Variants in PRRG4 observed in about 807,000 individuals in gnomAD.
PRRG4 encodes transmembrane gamma-carboxyglutamic acid protein 4.
Under a neutral mutation model 20.0 loss-of-function variants are expected in PRRG4, and 12 were observed. The observed-to-expected ratio is 0.60, with a 90% CI of 0.38 to 0.97. The LOEUF (loss-of-function observed/expected upper bound fraction) is 0.97, where lower values mean the gene tolerates loss of function less well. Ranked by LOEUF, PRRG4 falls within the 50% of genes least tolerant of loss-of-function variation. The pLI, the probability that PRRG4 is intolerant of heterozygous loss-of-function variation, is 0.00. For synonymous variants in PRRG4, 94 were observed against 96.4 expected, an observed-to-expected ratio of 0.98 and a Z score of 0.15; for missense variants, 199 against 265.1, an observed-to-expected ratio of 0.75 and a Z score of 1.73.
In PRRG4 at chr11:32,855,806, C is replaced by A. The variant is rs1851223922; in HGVS notation, c.*2279C>A. 6.6e-6 allele frequency: 1 copy of A among 152,200 alleles called. No individual in the cohort carries two copies. The highest frequency in any genetic ancestry group is 1.5e-5 in the Non-Finnish European group (1 of 68,032). 9.4% of individuals were successfully genotyped at this position (152,200 alleles called of 1,614,324 possible). ...GCACTTTTGCTCATGTGACTTTGCA[C>A]TTTGCACTTATTTTAATCCTCTTTA... On this transcript the variant is annotated 3_prime_UTR_variant, in exon 6 of 6. Transcript: ENST00000257836.
chr11:32,839,700 T>G (rs1310888189), intron 4 of PRRG4, among the ~76,000 whole-genome samples: 1 of 145,388 alleles, frequency 6.9e-6, no homozygotes, highest in African/African-American at 2.5e-5. Flanking sequence ...TATTATATTT[T>G]GAATATTATT....
chr11:32,836,592 C>A, intron 2 of PRRG4, 66 bp from the exon 3 acceptor site: 1 of 967,924 alleles, frequency 1.0e-6, no homozygotes, highest in South Asian at 2.2e-5. Context: ...CTTTTTTCCA[C>A]AATTAAAACA....
chr11:32,831,594 T>C, intron 2 of PRRG4, among the ~76,000 whole-genome samples: 1 of 152,284 alleles, frequency 6.6e-6, no homozygotes, highest in East Asian at 1.9e-4. Context: ...TGGAAGAGGA[T>C]CCTTTTTAGT....
At chr11:32,834,992 T>C (rs1851008004) in intron 2 of PRRG4, among the ~76,000 whole-genome samples, 1 of 152,130 alleles carries the variant, frequency 6.6e-6, no homozygotes, top group Non-Finnish European at 1.5e-5. Context: ...TTTTGTATTT[T>C]TTGTAGAGAC....
At chr11:32,841,449 A>C (rs1401138680) in intron 5 of PRRG4, among the ~76,000 whole-genome samples, 1 of 152,216 alleles carries the variant, frequency 6.6e-6, no homozygotes, top group Non-Finnish European at 1.5e-5. Flanking sequence ...ATGACATGAC[A>C]ATTAATGCAA....
chr11:32,849,729 G>A (rs7931061), intron 5 of PRRG4, among the ~76,000 whole-genome samples: 136,100 of 152,252 alleles, frequency 0.89, 61,103 homozygotes, highest in East Asian at 0.99. Flanking sequence ...CAAAGCCCCT[G>A]AAGGATGCCC....
chr11:32,839,494 T>C (rs1851054991), intron 4 of PRRG4, among the ~76,000 whole-genome samples: 1 of 151,992 alleles, frequency 6.6e-6, no homozygotes, highest in Non-Finnish European at 1.5e-5. Context: ...ATTATCTCAG[T>C]GGTTAATACC....
At chr11:32,853,109 T>C (rs970865306) in intron 5 of PRRG4, among the ~76,000 whole-genome samples, 187 bp from the exon 6 acceptor site, 1 of 151,988 alleles carries the variant, frequency 6.6e-6, no homozygotes, top group Non-Finnish European at 1.5e-5. Context: ...TTCAAACCCA[T>C]GTCTGACTCA....
rs1014017281 is a variant in PRRG4, at chr11:32,854,845, C to T, written c.*1318C>T. The T allele has an allele frequency of 1.3e-5, 2 of 152,090 alleles. No homozygotes were observed. Among genetic ancestry groups the T allele is most frequent in the African/African-American group, 4.8e-5 (2 of 41,426 alleles). 9.4% of individuals were successfully genotyped at this position (152,090 alleles called of 1,614,324 possible). Reference sequence around the variant, plus strand: ...ACTATTTGCTATGAAGTTAGTTCTTCAGAAGATACAAGTTTGCAATGAAAA... The same window carrying T: ...ACTATTTGCTATGAAGTTAGTTCTTTAGAAGATACAAGTTTGCAATGAAAA... On this transcript the variant is annotated 3_prime_UTR_variant, in exon 6 of 6. Coordinates refer to ENST00000257836, the MANE Select transcript of PRRG4 (RefSeq NM_024081.6).
Position 32,836,762 on chromosome 11 carries a change from A to G in PRRG4, c.208A>G (p.Asn70Asp). ...FTPGNLEREC[N>D]EELCNYEEAR... The stretch of plus-strand genomic sequence containing the variant: ...TCCCGGCAACCTAGAAAGAGAGTGC[A>G]ATGAAGAACTTTGCAATTATGAGGA... The change falls in exon 3 of 6, where the codon AAT becomes GAT. Residue 70 changes from asparagine to aspartate, a missense_variant. Asn to Asp is a conservative substitution (Grantham distance 23). Coordinates refer to ENST00000257836, the MANE Select transcript of PRRG4 (RefSeq NM_024081.6). 1 of 1,613,582 alleles carries G rather than the reference A, an allele frequency of 6.2e-7. No homozygotes were observed. Among genetic ancestry groups the G allele is most frequent in the Non-Finnish European group, 8.5e-7 (1 of 1,179,620 alleles).
chr11:32,845,493 G>A (rs192553442), intron 5 of PRRG4, among the ~76,000 whole-genome samples: 193 of 152,192 alleles, frequency 1.3e-3, no homozygotes, highest in African/African-American at 4.3e-3. Flanking sequence ...TCAGCCGGGC[G>A]TGATGGCGGG....
intron 5 of PRRG4, among the ~76,000 whole-genome samples, chr11:32,849,176 A>G (rs900995544): frequency 2.0e-4 from 30 of 152,018 alleles, no homozygotes; most frequent in Admixed American, 1.3e-3. Flanking sequence ...CAGCCTGGGC[A>G]AGATGGTGAA....
rs2133453254 is a variant in PRRG4 at position 32,853,449 on chromosome 11, T to G, written c.603T>G (p.Val201=). 1 of 1,614,106 alleles carries G rather than the reference T, an allele frequency of 6.2e-7. No individual in the cohort carries two copies. The highest frequency in any genetic ancestry group is 1.3e-5 in the African/African-American group (1 of 75,028). ...QAVALTRKHS[V]SPPPPYPGHT... is the part of the protein sequence containing the mutation. Reference sequence around the variant, plus strand: ...TGGCGCTGACCAGAAAACACAGTGTTTCACCACCACCACCATATCCTGGGC... The same window carrying G: ...TGGCGCTGACCAGAAAACACAGTGTGTCACCACCACCACCATATCCTGGGC... Residue 201 remains valine (V), a synonymous_variant, in exon 6 of 6, where the codon GTT becomes GTG. Transcript: ENST00000257836.
rs546884094 is a variant in PRRG4, at chr11:32,838,188, G to A, written c.268-694G>A. ...ATAAGATCTCCCAGAAGGGCACAGT[G>A]GCTCATGCTTGTAATCCCAGCACTT... On this transcript the variant is annotated intron_variant, in intron 3 of 5. Coordinates refer to ENST00000257836, the MANE Select transcript of PRRG4 (RefSeq NM_024081.6). 1.3e-4 allele frequency among the ~76,000 whole-genome samples: 20 copies of A among 152,230 alleles called. 1 individual carries two copies. The highest frequency in any genetic ancestry group is 1.3e-3 in the Admixed American group (20 of 15,290).
chr11:32,835,347 T>G (rs978265221), intron 2 of PRRG4, among the ~76,000 whole-genome samples: 5 of 152,260 alleles, frequency 3.3e-5, no homozygotes, highest in Non-Finnish European at 5.9e-5. Context: ...TTGCCTACTT[T>G]AATACATTCT....
chr11:32,851,085 TAATA>T (rs1029420088), intron 5 of PRRG4, among the ~76,000 whole-genome samples: 1 of 151,970 alleles, frequency 6.6e-6, no homozygotes, highest in African/African-American at 2.4e-5. Flanking sequence ...AAAATAATAA[TAATA>T]ATAATAAGCC....
intron 5 of PRRG4, among the ~76,000 whole-genome samples, chr11:32,848,914 G>T (rs1271016353): frequency 2.6e-5 from 4 of 151,048 alleles, no homozygotes; most frequent in Admixed American, 2.0e-4. Flanking sequence ...GGAGGCTGCA[G>T]TGAGCCGAGA....
intron 5 of PRRG4, among the ~76,000 whole-genome samples, chr11:32,845,806 G>A (rs762111069): frequency 3.3e-5 from 5 of 151,968 alleles, no homozygotes; most frequent in Non-Finnish European, 5.9e-5. Flanking sequence ...TACTACCAAG[G>A]CTCATATAGG....
intron 5 of PRRG4, among the ~76,000 whole-genome samples, chr11:32,841,193 A>G (rs892792392): frequency 2.0e-5 from 3 of 152,156 alleles, no homozygotes; most frequent in African/African-American, 7.2e-5. Flanking sequence ...TTCTTTTATG[A>G]TAACGATCAT....
Sources: allele counts gnomAD v4.1 joint callset (sites outside exome capture counted in the v4.1 genomes callset), GRCh38; gene constraint gnomAD v4.1.1; transcripts MANE v1.5; gene names NCBI Gene and HGNC (gene_info 2026-07-23, HGNC 2026-07-21).